Variants in RNF121 observed in about 807,000 individuals in gnomAD.
RNF121 encodes the protein ring finger protein 121, also known as E3 ubiquitin ligase RNF121.
Under a neutral mutation model 46.5 loss-of-function variants are expected in RNF121, and 21 were observed. The observed-to-expected ratio is 0.45, with a 90% confidence interval of 0.32 to 0.65. The LOEUF (loss-of-function observed/expected upper bound fraction) is 0.65. RNF121 is among the 30% of genes least tolerant of loss of function. The pLI, the probability that RNF121 is intolerant of heterozygous loss-of-function variation, is 0.04. For synonymous variants in RNF121, 139 were observed against 144.7 expected (o/e 0.96, Z 0.28); for missense variants, 346 against 416.0 (o/e 0.83, Z 1.46).
chr11:71,974,206 G>A (rs1180403678), intron 3 of RNF121, among the ~76,000 whole-genome samples: 2 of 152,200 alleles, frequency 1.3e-5, no homozygotes, highest in Non-Finnish European at 2.9e-5. Context: ...CTCCCAAAGT[G>A]CTGGGATTAC....
intron 1 of RNF121, among the ~76,000 whole-genome samples, chr11:71,943,055 C>T (rs1002124484): frequency 6.6e-6 from 1 of 152,118 alleles, no homozygotes; most frequent in Non-Finnish European, 1.5e-5. Flanking sequence ...AGGTTCCCTC[C>T]ACCTCTTCTT....
chr11:71,979,442 A>G (rs759265137), intron 3 of RNF121, among the ~76,000 whole-genome samples: 2 of 151,684 alleles, frequency 1.3e-5, no homozygotes, highest in Non-Finnish European at 2.9e-5. Context: ...TTTTTCTCAC[A>G]CACAGTCTTT....
chr11:71,991,236 T>A (rs114501533), intron 6 of RNF121, among the ~76,000 whole-genome samples: 1 of 150,362 alleles, frequency 6.7e-6, no homozygotes, highest in Non-Finnish European at 1.5e-5. Context: ...TTGAAATTAT[T>A]AAAAAAAAAA....
Position 71,996,174 on chromosome 11 carries a change from T to A in RNF121, c.864-21T>A, listed in dbSNP as rs761626174. On this transcript the variant is annotated intron_variant, in intron 8 of 8. Coordinates refer to ENST00000361756, the MANE Select transcript of RNF121 (RefSeq NM_018320.5). ...CCTGGCAGCTCTTGCACAGAGTCTC[T>A]TTTCTTTAACACACTGACAGCTGGG... 10 of 1,613,714 alleles carry A rather than the reference T, an allele frequency of 6.2e-6. No homozygotes were observed. The South Asian group carries it at 9.9e-5, about 16-fold the overall frequency.
chr11:71,946,021 GT>G (rs1372449166), intron 1 of RNF121, among the ~76,000 whole-genome samples: 2 of 152,006 alleles, frequency 1.3e-5, no homozygotes, highest in African/African-American at 2.4e-5. Flanking sequence ...TGAGGTGGGA[GT>G]ATCACTTGAG....
chr11:71,954,353 G>A (rs1953943534), intron 1 of RNF121, among the ~76,000 whole-genome samples: 2 of 152,110 alleles, frequency 1.3e-5, no homozygotes, highest in South Asian at 2.1e-4. Flanking sequence ...CTTAACATTT[G>A]TAGTACTCCA....
intron 1 of RNF121, among the ~76,000 whole-genome samples, chr11:71,949,131 G>A (rs917495802): frequency 2.6e-5 from 4 of 152,156 alleles, no homozygotes; most frequent in African/African-American, 9.7e-5. Flanking sequence ...AAAGAATGAA[G>A]TCTTGGCTGG....
intron 1 of RNF121, among the ~76,000 whole-genome samples, chr11:71,937,809 A>G (rs1203613012): frequency 6.6e-6 from 1 of 152,138 alleles, no homozygotes; most frequent in East Asian, 1.9e-4. Flanking sequence ...TTGGTCTGAA[A>G]TCTTACTCCA....
At chr11:71,932,101 T>C (rs1953288671) in intron 1 of RNF121, among the ~76,000 whole-genome samples, 1 of 152,226 alleles carries the variant, frequency 6.6e-6, no homozygotes, top group Non-Finnish European at 1.5e-5. Flanking sequence ...TCTCTAGAAG[T>C]TGAGACGTAA....
chr11:71,994,427 C>T (rs1192549472), intron 6 of RNF121, among the ~76,000 whole-genome samples: 1 of 152,186 alleles, frequency 6.6e-6, no homozygotes, highest in African/African-American at 2.4e-5. Context: ...CTCCCCTTCC[C>T]CTTATCCTTT....
At chr11:71,995,618 C>T (rs1011159629) in intron 8 of RNF121, 67 bp downstream of exon 8, 8 of 1,279,352 alleles carry the variant, frequency 6.3e-6, no homozygotes, top group Middle Eastern at 1.8e-4. Flanking sequence ...GTGTGACCTG[C>T]ATTTGGGTCC....
intron 3 of RNF121, among the ~76,000 whole-genome samples, chr11:71,972,281 C>T (rs985643181): frequency 5.9e-5 from 9 of 152,044 alleles, no homozygotes; most frequent in African/African-American, 2.2e-4. Context: ...GAAGACTCCC[C>T]GGAGAATGTT....
intron 2 of RNF121, among the ~76,000 whole-genome samples, chr11:71,960,358 T>C (rs1048946434): frequency 7.2e-5 from 11 of 152,218 alleles, no homozygotes; most frequent in Non-Finnish European, 1.5e-4. Flanking sequence ...CGTATGAGAC[T>C]TTATGTCTAT....
chr11:71,930,265 T>C (rs929126965), intron 1 of RNF121, among the ~76,000 whole-genome samples: 1 of 152,112 alleles, frequency 6.6e-6, no homozygotes, highest in Admixed American at 6.5e-5. Context: ...ATAGAACCAG[T>C]GAGATCTCTG....
At chr11:71,955,037 AAT>A (rs1953959642) in intron 1 of RNF121, among the ~76,000 whole-genome samples, 2 of 152,210 alleles carry the variant, frequency 1.3e-5, no homozygotes, top group African/African-American at 2.4e-5. Flanking sequence ...TGAGGGAACT[AAT>A]ATGTTCATGG....
intron 1 of RNF121, among the ~76,000 whole-genome samples, chr11:71,935,846 C>CTT (rs994241423): frequency 2.3e-3 from 260 of 114,698 alleles, no homozygotes; most frequent in Middle Eastern, 5.2e-3. Flanking sequence ...TATTCTTTTT[C>CTT]TTTTTTTTTT....
intron 5 of RNF121, among the ~76,000 whole-genome samples, chr11:71,989,221 C>T (rs1954823196): frequency 6.6e-6 from 1 of 152,094 alleles, no homozygotes; most frequent in African/African-American, 2.4e-5. Context: ...GCTGGGACTA[C>T]AGGCATGAGC....
intron 1 of RNF121, among the ~76,000 whole-genome samples, chr11:71,931,358 T>C (rs1953273645): frequency 6.6e-6 from 1 of 152,206 alleles, no homozygotes. Context: ...CCGTGTGGAC[T>C]GGTTCTATCT....
At chr11:71,974,931 G>C (rs935329203) in intron 3 of RNF121, among the ~76,000 whole-genome samples, 1 of 152,190 alleles carries the variant, frequency 6.6e-6, no homozygotes. Flanking sequence ...CATCTATTCA[G>C]AGTCTAACAT....
Sources: gnomAD v4.1 joint callset for allele counts (sites outside exome capture counted in the v4.1 genomes callset) on GRCh38, gnomAD v4.1.1 for gene constraint, MANE v1.5 for transcripts, NCBI Gene and HGNC (gene_info 2026-07-23, HGNC 2026-07-21) for gene names.